The following SSBP2 variants were observed in gnomAD, a reference collection of about 807,000 sequenced individuals.
The protein encoded by SSBP2 is single-stranded DNA-binding protein 2.
A neutral mutation model predicts 61.8 loss-of-function variants in SSBP2; 17 were observed. The ratio of observed to expected loss-of-function variants is 0.28; its 90% CI spans 0.19 to 0.41. The LOEUF (loss-of-function observed/expected upper bound fraction) is 0.41. SSBP2 is among the 10% of genes least tolerant of loss of function. SSBP2 has a pLI of 1.00. For missense variants in SSBP2, 310 were observed against 458.7 expected, an observed-to-expected ratio of 0.68 and a Z score of 2.96; for synonymous variants, 139 against 141.3, an observed-to-expected ratio of 0.98 and a Z score of 0.12.
At chr5:81,750,685 A>C in intron 1 of SSBP2, 3 of 358,050 alleles carry the variant, frequency 8.4e-6, no homozygotes, top group Non-Finnish European at 1.5e-5. Context: ...CCCGCGGGTT[A>C]TTTCCCTCAA....
chr5:81,442,711 G>C lies in SSBP2; in HGVS notation c.791C>G (p.Ser264Cys). The C allele has an allele frequency of 6.4e-7, 1 of 1,567,436 alleles. No homozygotes were observed. The highest frequency in any genetic ancestry group is 8.7e-7 in the Non-Finnish European group (1 of 1,149,702). Residue 264 changes from serine to cysteine, a missense_variant, in exon 13 of 17, where the codon TCT becomes TGT. By Grantham distance (112) the Ser-to-Cys change is moderately radical (BLOSUM62 -1). Around this residue, in one of 4 missense-constraint regions of SSBP2, gnomAD observed 209 missense variants for 286.4 expected, o/e 0.73. Coordinates refer to ENST00000320672, the MANE Select transcript of SSBP2 (RefSeq NM_012446.5). The stretch of plus-strand genomic sequence containing the variant: ...CATTAAAGTATACATGTTATCACCA[G>C]AGTTGGTTGAATCTGAAACAAAATA...
intron 4 of SSBP2, among the ~76,000 whole-genome samples, chr5:81,554,166 C>CA (rs1469739381): frequency 6.6e-6 from 1 of 152,038 alleles, no homozygotes; most frequent in East Asian, 1.9e-4. Flanking sequence ...TCCATTAGGA[C>CA]ATCTGACACA....
intron 1 of SSBP2, among the ~76,000 whole-genome samples, chr5:81,742,511 G>A (rs1255035283): frequency 6.6e-6 from 1 of 152,118 alleles, no homozygotes; most frequent in Non-Finnish European, 1.5e-5. Context: ...GTGGGAATAT[G>A]ACGGTAAGGA....
intron 1 of SSBP2, among the ~76,000 whole-genome samples, chr5:81,699,854 CTTTTTTTTTTTTTT>C (rs3081889): frequency 8.0e-6 from 1 of 124,862 alleles, no homozygotes; most frequent in Non-Finnish European, 1.7e-5. Context: ...AAATCAATTT[CTTTTTTTTTTTTTT>C]TTTTTTGAGA....
intron 4 of SSBP2, among the ~76,000 whole-genome samples, chr5:81,542,674 T>A (rs1252687689): frequency 1.3e-5 from 2 of 152,112 alleles, no homozygotes; most frequent in African/African-American, 4.8e-5. Flanking sequence ...AAATCTCATC[T>A]GGAATTGTAA....
rs1220132835 is a variant in SSBP2, at chr5:81,418,167, G to C, written c.*2337C>G. On this transcript the variant is annotated 3_prime_UTR_variant, in exon 17 of 17. Transcript: ENST00000320672. ...TATATGATTGTCATAAAATATGAAA[G>C]TCAAAATTCTTCTTGGTAAAGTCAG... 1 of 152,206 alleles carries C rather than the reference G, an allele frequency of 6.6e-6. No individual in the cohort carries two copies. Among genetic ancestry groups the C allele is most frequent in the Non-Finnish European group, 1.5e-5 (1 of 68,030 alleles). The allele number at this position is 152,206 out of a possible 1,614,324, so 9.4% of individuals were successfully genotyped here.
intron 1 of SSBP2, among the ~76,000 whole-genome samples, chr5:81,723,933 T>C (rs1055032649): frequency 2.6e-5 from 4 of 152,018 alleles, no homozygotes; most frequent in African/African-American, 4.8e-5. Flanking sequence ...TTTTCTATGC[T>C]TCTTTGCTGA....
chr5:81,556,740 T>C (rs573047783), intron 4 of SSBP2, among the ~76,000 whole-genome samples: 5 of 152,268 alleles, frequency 3.3e-5, no homozygotes, highest in South Asian at 2.1e-4. Flanking sequence ...ACAAATTCTA[T>C]TGTCAAATTG....
At chr5:81,507,826 G>C (rs1768296504) in intron 5 of SSBP2, among the ~76,000 whole-genome samples, 1 of 152,032 alleles carries the variant, frequency 6.6e-6, no homozygotes, top group Non-Finnish European at 1.5e-5. Flanking sequence ...TAAAATTACA[G>C]AACTTTACAA....
chr5:81,576,925 G>A (rs1424303466), intron 4 of SSBP2, among the ~76,000 whole-genome samples: 1 of 151,944 alleles, frequency 6.6e-6, no homozygotes, highest in Non-Finnish European at 1.5e-5. Context: ...TTCCTTGGCT[G>A]GGTTTTAAGA....
Position 81,448,775 on chromosome 5 carries a change from C to T in SSBP2, c.723+15G>A, listed in dbSNP as rs1337519043. 1 of 1,611,342 alleles carries T rather than the reference C, an allele frequency of 6.2e-7. No individual in the cohort carries two copies. On this transcript the variant is annotated intron_variant, in intron 11 of 16. Coordinates refer to ENST00000320672, the MANE Select transcript of SSBP2 (RefSeq NM_012446.5). ...ACATCAATTCTTATAAGCAAACAAACCCAAATGTACTTACTACATAATTCC... is the reference window on the plus strand; with the variant it reads ...ACATCAATTCTTATAAGCAAACAAATCCAAATGTACTTACTACATAATTCC...
At chr5:81,474,855 T>C (rs989710125) in intron 6 of SSBP2, among the ~76,000 whole-genome samples, 2 of 152,198 alleles carry the variant, frequency 1.3e-5, no homozygotes, top group African/African-American at 4.8e-5. Flanking sequence ...AGAAGTATTA[T>C]GCCTTTTCCA....
chr5:81,614,359 C>CAAA (rs10659647), intron 4 of SSBP2, among the ~76,000 whole-genome samples: 30,985 of 73,698 alleles, frequency 0.42, 7,232 homozygotes, highest in East Asian at 0.72. Context: ...GACTCCGTCT[C>CAAA]AAAAAAAAAA....
At chr5:81,648,846 A>T (rs1232816616) in intron 2 of SSBP2, among the ~76,000 whole-genome samples, 28 of 152,180 alleles carry the variant, frequency 1.8e-4, no homozygotes, top group African/African-American at 6.7e-4. Flanking sequence ...AAAAGGTAAA[A>T]TTAATTTTAG....
At chr5:81,549,596 T>C (rs1355246963) in intron 4 of SSBP2, among the ~76,000 whole-genome samples, 1 of 152,152 alleles carries the variant, frequency 6.6e-6, no homozygotes, top group Admixed American at 6.5e-5. Context: ...GTGTACCTCA[T>C]AGCCTCCACC....
intron 1 of SSBP2, among the ~76,000 whole-genome samples, chr5:81,674,244 C>A (rs1283660798): frequency 6.6e-6 from 1 of 152,056 alleles, no homozygotes; most frequent in African/African-American, 2.4e-5. Context: ...AGTAAAGGAC[C>A]AAGAAGTGGC....
At chr5:81,533,521 TAAG>T (rs981432558) in intron 4 of SSBP2, among the ~76,000 whole-genome samples, 8 of 152,036 alleles carry the variant, frequency 5.3e-5, no homozygotes, top group Non-Finnish European at 1.0e-4. Context: ...ATATATTTAA[TAAG>T]AAGGACAGCA....
At chr5:81,509,305 C>T (rs1485833578) in intron 5 of SSBP2, among the ~76,000 whole-genome samples, 1 of 152,158 alleles carries the variant, frequency 6.6e-6, no homozygotes, top group East Asian at 1.9e-4. Context: ...AGTTTATGAA[C>T]TGTGAACTGA....
intron 14 of SSBP2, chr5:81,437,858 A>T (rs1410571966): frequency 6.6e-6 from 1 of 152,556 alleles, no homozygotes; most frequent in Non-Finnish European, 1.5e-5. Flanking sequence ...AAAATATAAA[A>T]TGAACACTTG....
Sources: gnomAD v4.1 joint callset for allele counts (sites outside exome capture counted in the v4.1 genomes callset) on GRCh38, gnomAD v4.1.1 for gene constraint, gnomAD v4.1.1 regional missense constraint, MANE v1.5 for transcripts, NCBI Gene and HGNC (gene_info 2026-07-23, HGNC 2026-07-21) for gene names.